Variants in UNC5D observed in about 807,000 individuals in gnomAD.
UNC5D encodes unc-5 netrin receptor D.
In UNC5D, 39 loss-of-function variants were observed where a neutral mutation model predicts 105.4. That is an observed-to-expected ratio of 0.37 (90% CI 0.29 to 0.48). The LOEUF (loss-of-function observed/expected upper bound fraction) is 0.48, where lower values mean the gene tolerates loss of function less well. Among genes scored for constraint, UNC5D ranks in the 20% least tolerant of loss-of-function variants. The pLI is 0.98. For synonymous variants in UNC5D, 452 were observed against 450.4 expected, an observed-to-expected ratio of 1.00 and a Z score of -0.04; for missense variants, 991 against 1,202.4, an observed-to-expected ratio of 0.82 and a Z score of 2.60.
intron 1 of UNC5D, among the ~76,000 whole-genome samples, chr8:35,305,695 C>T (rs1331025442): frequency 7.0e-6 from 1 of 143,716 alleles, no homozygotes; most frequent in African/African-American, 2.6e-5. Flanking sequence ...TCTTTTCTTC[C>T]TCCCTCCCTG....
At chr8:35,746,692 A>T (rs1427906881) in intron 11 of UNC5D, among the ~76,000 whole-genome samples, 2 of 152,164 alleles carry the variant, frequency 1.3e-5, no homozygotes, top group African/African-American at 4.8e-5. Flanking sequence ...TTTGGCATTA[A>T]ATAATTCCCC....
intron 11 of UNC5D, 81 bp from the exon 12 acceptor site, chr8:35,748,446 C>T: frequency 6.9e-7 from 1 of 1,440,764 alleles, no homozygotes; most frequent in Non-Finnish European, 9.3e-7. Context: ...AAGAAAACCC[C>T]AGTCTGTTAA....
At chr8:35,712,587 T>C (rs1380095621) in intron 8 of UNC5D, among the ~76,000 whole-genome samples, 4 of 152,220 alleles carry the variant, frequency 2.6e-5, no homozygotes, top group African/African-American at 9.6e-5. Flanking sequence ...CTCTTCTCAC[T>C]GAAGAAAATT....
At chr8:35,466,034 A>C (rs1003499506) in intron 1 of UNC5D, among the ~76,000 whole-genome samples, 20 of 152,320 alleles carry the variant, frequency 1.3e-4, no homozygotes, top group African/African-American at 3.8e-4. Context: ...GATTTTGCCC[A>C]GTGATGCCTG....
At chr8:35,784,242 A>T (rs180732587) in intron 16 of UNC5D, among the ~76,000 whole-genome samples, 1 of 152,288 alleles carries the variant, frequency 6.6e-6, no homozygotes, top group East Asian at 1.9e-4. Context: ...AAACAAAATT[A>T]AATTTAATAA....
chr8:35,419,193 G>A (rs1235515839), intron 1 of UNC5D, among the ~76,000 whole-genome samples: 5 of 152,302 alleles, frequency 3.3e-5, no homozygotes, highest in African/African-American at 9.6e-5. Flanking sequence ...CCAATCATAT[G>A]TGGGGAATCT....
intron 1 of UNC5D, among the ~76,000 whole-genome samples, chr8:35,442,923 CACACACACACACA>C (rs1031117083): frequency 1.3e-5 from 2 of 151,216 alleles, no homozygotes; most frequent in South Asian, 2.1e-4. Context: ...CACACACACA[CACACACACACACA>C]ACACACACAC....
At chr8:35,292,786 G>T (rs1807173941) in intron 1 of UNC5D, among the ~76,000 whole-genome samples, 1 of 138,366 alleles carries the variant, frequency 7.2e-6, no homozygotes, top group Non-Finnish European at 1.5e-5. Flanking sequence ...GTGCAATCTC[G>T]GCTCACTACA....
intron 8 of UNC5D, among the ~76,000 whole-genome samples, chr8:35,717,056 C>G (rs1828288876): frequency 6.6e-6 from 1 of 152,124 alleles, no homozygotes; most frequent in South Asian, 2.1e-4. Context: ...TTTGTCTTAC[C>G]CTTCTCAGGA....
At chr8:35,707,776 A>G (rs1162725933) in intron 8 of UNC5D, among the ~76,000 whole-genome samples, 1 of 152,186 alleles carries the variant, frequency 6.6e-6, no homozygotes, top group East Asian at 1.9e-4. Flanking sequence ...TCCAGGCATA[A>G]ACCCCGCAGA....
intron 1 of UNC5D, among the ~76,000 whole-genome samples, chr8:35,432,459 G>T (rs1269655979): frequency 6.6e-6 from 1 of 151,914 alleles, no homozygotes; most frequent in Non-Finnish European, 1.5e-5. Context: ...TGCTGTCCAG[G>T]GTGCTGAAAA....
chr8:35,450,454 GT>G, intron 1 of UNC5D, among the ~76,000 whole-genome samples: 1 of 152,090 alleles, frequency 6.6e-6, no homozygotes, highest in South Asian at 2.1e-4. Context: ...TATCAAGATT[GT>G]TTTTTTCCTT....
intron 1 of UNC5D, among the ~76,000 whole-genome samples, chr8:35,451,356 C>A (rs1808141807): frequency 6.6e-6 from 1 of 152,034 alleles, no homozygotes; most frequent in South Asian, 2.1e-4. Context: ...TAGTAATAAC[C>A]TTTTATAAGA....
chr8:35,689,653 G>A (rs1014665186), intron 7 of UNC5D, among the ~76,000 whole-genome samples: 7 of 152,206 alleles, frequency 4.6e-5, no homozygotes, highest in African/African-American at 1.4e-4. Flanking sequence ...AAGAGCCAGT[G>A]TTCTAGTTGG....
chr8:35,279,981 T>C (rs1806033705), intron 1 of UNC5D, among the ~76,000 whole-genome samples: 1 of 152,150 alleles, frequency 6.6e-6, no homozygotes, highest in Admixed American at 6.5e-5. Context: ...TATAAAGAAC[T>C]ACCTTTACTT....
intron 15 of UNC5D, among the ~76,000 whole-genome samples, chr8:35,770,723 A>G: frequency 6.6e-6 from 1 of 152,290 alleles, no homozygotes; most frequent in Middle Eastern, 3.4e-3. Flanking sequence ...ATTATTAAAG[A>G]ATCTTTTCTT....
At chr8:35,282,356 C>T (rs556204723) in intron 1 of UNC5D, among the ~76,000 whole-genome samples, 1 of 152,286 alleles carries the variant, frequency 6.6e-6, no homozygotes, top group South Asian at 2.1e-4. Context: ...TGGTAGCCTA[C>T]ATTCCTCTTG....
chr8:35,526,582 T>C (rs971376359), intron 1 of UNC5D, among the ~76,000 whole-genome samples: 6 of 152,178 alleles, frequency 3.9e-5, no homozygotes, highest in African/African-American at 1.4e-4. Flanking sequence ...TCTTTTTGTT[T>C]TTTTGTTTCT....
chr8:35,334,155 T>C (rs544511943), intron 1 of UNC5D, among the ~76,000 whole-genome samples: 1 of 152,228 alleles, frequency 6.6e-6, no homozygotes, highest in East Asian at 1.9e-4. Flanking sequence ...ATTAAAAGAA[T>C]AGATGAGAAA....
Sources: allele counts gnomAD v4.1 joint callset (sites outside exome capture counted in the v4.1 genomes callset), GRCh38; gene constraint gnomAD v4.1.1; transcripts MANE v1.5; gene names NCBI Gene and HGNC (gene_info 2026-07-23, HGNC 2026-07-21).